The following SPAG9 variants were observed in gnomAD, a reference collection of about 807,000 sequenced individuals.
The protein encoded by SPAG9 is C-Jun-amino-terminal kinase-interacting protein 4.
SPAG9 carries 35 observed loss-of-function variants against 166.5 expected under a neutral mutation model. The observed-to-expected ratio is 0.21, with a 90% CI of 0.16 to 0.28. SPAG9 has a LOEUF of 0.28. Among genes scored for constraint, SPAG9 ranks in the 10% least tolerant of loss-of-function variants. The probability of loss-of-function intolerance (pLI) is 1.00; values close to 1 mark genes in which losing one functional copy is unlikely to be tolerated. For missense variants in SPAG9, 1,235 were observed against 1,603.3 expected (o/e 0.77, Z 3.92); for synonymous variants, 534 against 565.5 (o/e 0.94, Z 0.79).
At chr17:50,991,478 A>G (rs1009869922) in intron 19 of SPAG9, among the ~76,000 whole-genome samples, 3 of 152,034 alleles carry the variant, frequency 2.0e-5, no homozygotes, top group African/African-American at 7.2e-5. Context: ...TGTTTTATTT[A>G]TATCACACTA....
chr17:50,999,336 T>A, intron 14 of SPAG9: 1 of 671,556 alleles, frequency 1.5e-6, no homozygotes. Context: ...ATCAGAAACT[T>A]ATTTAATGGG....
rs377330415 is a variant in SPAG9 at position 50,982,514 on chromosome 17, A to G, written c.3237+10T>C. Reference sequence around the variant, plus strand: ...TCAATAAATACAGAAAACATAGGCTAATAACTTGCCTCTATTTTCATGGCC... The same window carrying G: ...TCAATAAATACAGAAAACATAGGCTGATAACTTGCCTCTATTTTCATGGCC... On this transcript the variant is annotated intron_variant, in intron 25 of 29. Coordinates refer to ENST00000262013, the MANE Select transcript of SPAG9 (RefSeq NM_001130528.3). 3 of 1,605,016 alleles carry G rather than the reference A, an allele frequency of 1.9e-6. No homozygotes were observed. Among genetic ancestry groups the G allele is most frequent in the Non-Finnish European group, 1.7e-6 (2 of 1,176,956 alleles).
intron 9 of SPAG9, chr17:51,007,851 T>A: frequency 2.2e-6 from 1 of 451,096 alleles, no homozygotes; most frequent in South Asian, 1.6e-5. Context: ...GAAATTATGG[T>A]CTTAAAGCCC....
At chr17:51,117,708 CAAAAAAAAAAAAAA>C (rs397856959) in intron 1 of SPAG9, among the ~76,000 whole-genome samples, 2 of 41,738 alleles carry the variant, frequency 4.8e-5, no homozygotes, top group East Asian at 1.9e-3. Context: ...GACTCCGTCT[CAAAAAAAAAAAAAA>C]AAAAAAAAAA....
At chr17:51,046,828 T>C in intron 4 of SPAG9, 1 of 1,533,016 alleles carries the variant, frequency 6.5e-7, no homozygotes, top group Non-Finnish European at 8.7e-7. Flanking sequence ...ATGACGTCAT[T>C]CCGTTCTCCC....
chr17:51,056,380 A>G (rs1170115759), intron 3 of SPAG9, 32 bp downstream of exon 3: 3 of 1,238,308 alleles, frequency 2.4e-6, no homozygotes, highest in South Asian at 1.2e-5. Flanking sequence ...TGTCTCAATA[A>G]TAGCATGGTA....
intron 1 of SPAG9, among the ~76,000 whole-genome samples, chr17:51,103,786 C>A (rs1042860974): frequency 6.6e-6 from 1 of 152,042 alleles, no homozygotes; most frequent in Admixed American, 6.6e-5. Flanking sequence ...GAGAGATGGG[C>A]GGTTTATAGG....
intron 3 of SPAG9, among the ~76,000 whole-genome samples, chr17:51,052,749 G>A (rs546863345): frequency 5.9e-5 from 9 of 151,804 alleles, no homozygotes; most frequent in South Asian, 4.2e-4. Context: ...TCACTTTACC[G>A]TTATTTTTAA....
intron 5 of SPAG9, among the ~76,000 whole-genome samples, chr17:51,040,751 AAAAT>A (rs1283705026): frequency 6.6e-6 from 1 of 152,218 alleles, no homozygotes; most frequent in Admixed American, 6.5e-5. Context: ...ATTATGGAGA[AAAAT>A]AAAGCAGGAA....
chr17:51,095,674 A>G (rs1481422108), intron 1 of SPAG9, among the ~76,000 whole-genome samples: 2 of 149,078 alleles, frequency 1.3e-5, no homozygotes, highest in African/African-American at 5.0e-5. Context: ...AAATGTGTAT[A>G]TATATATATA....
intron 2 of SPAG9, among the ~76,000 whole-genome samples, chr17:51,057,902 T>C (rs1020968391): frequency 2.6e-5 from 4 of 152,180 alleles, no homozygotes; most frequent in African/African-American, 9.7e-5. Context: ...CAAATTAATT[T>C]TTAATAAAAT....
chr17:51,022,670 CG>C (rs2045987035), intron 6 of SPAG9, among the ~76,000 whole-genome samples: 1 of 150,390 alleles, frequency 6.6e-6, no homozygotes, highest in African/African-American at 2.4e-5. Flanking sequence ...AACAATAGGC[CG>C]GGTGCAGTGG....
chr17:50,983,399 C>T (rs946095497), intron 24 of SPAG9, among the ~76,000 whole-genome samples: 1 of 152,194 alleles, frequency 6.6e-6, no homozygotes, highest in African/African-American at 2.4e-5. Flanking sequence ...TCTGTACCTA[C>T]CACAGTTTAC....
chr17:50,970,262 A>G (rs988789921), intron 29 of SPAG9, among the ~76,000 whole-genome samples: 1 of 152,164 alleles, frequency 6.6e-6, no homozygotes, highest in African/African-American at 2.4e-5. Flanking sequence ...TCGGGCTTGT[A>G]ATCCCAGCTG....
At chr17:50,966,590 G>C (rs1378379459) in intron 29 of SPAG9, among the ~76,000 whole-genome samples, 1 of 152,084 alleles carries the variant, frequency 6.6e-6, no homozygotes, top group Non-Finnish European at 1.5e-5. Context: ...CTTCAGAAAA[G>C]GTTAATTCAT....
intron 20 of SPAG9, 48 bp downstream of exon 20, chr17:50,990,402 T>C (rs9899816): frequency 0.47 from 630,617 of 1,343,328 alleles, 149,326 homozygotes; most frequent in Admixed American, 0.54. Context: ...GGCATCTGAG[T>C]GTAGCCTTAG....
intron 1 of SPAG9, among the ~76,000 whole-genome samples, chr17:51,095,004 G>A (rs1457931159): frequency 1.3e-5 from 2 of 152,166 alleles, no homozygotes; most frequent in African/African-American, 4.8e-5. Context: ...AAAATAAGAA[G>A]TGGTGGCCAG....
At chr17:50,996,782 C>A in intron 15 of SPAG9, 88 bp from the exon 16 acceptor site, 1 of 1,232,692 alleles carries the variant, frequency 8.1e-7, no homozygotes, top group African/African-American at 1.5e-5. Context: ...ACTAAAACAG[C>A]AAAAACAACA....
At position 51,085,958 on chromosome 17, in the gene SPAG9, CA is replaced by C. The variant is rs1394232260; in HGVS notation, c.304-6255del. 8.3e-3 allele frequency among the ~76,000 whole-genome samples: 1,005 copies of C among 120,374 alleles called. 6 individuals are homozygous for C. The highest frequency in any genetic ancestry group is 0.026 in the South Asian group (104 of 3,934). 79.0% of individuals were successfully genotyped at this position (120,374 alleles called of 152,430 possible). A position where few individuals can be genotyped will look rare whatever the true frequency, so the allele number is the denominator to read the frequency against. ...AATAATTTTTTATCCTCTTGGAAAT[CA>C]TTTTTTTTTTTTTTTTTTTTTTTTT... On this transcript the variant is annotated intron_variant, in intron 1 of 29. Transcript: ENST00000262013.
Sources: allele counts gnomAD v4.1 joint callset (sites outside exome capture counted in the v4.1 genomes callset), GRCh38; gene constraint gnomAD v4.1.1; transcripts MANE v1.5; gene names NCBI Gene and HGNC (gene_info 2026-07-23, HGNC 2026-07-21).